Variants in ALG13 observed in about 807,000 individuals in gnomAD.
The protein encoded by ALG13 is UDP-N-acetylglucosamine transferase subunit ALG13.
A neutral mutation model predicts 87.8 loss-of-function variants in ALG13; 11 were observed. That is an observed-to-expected ratio of 0.13 (90% CI 0.08 to 0.21). ALG13 has a LOEUF of 0.21. Among genes scored for constraint, ALG13 ranks in the 10% least tolerant of loss-of-function variants. The pLI is 1.00. For missense variants in ALG13, 756 were observed against 866.1 expected (o/e 0.87, Z 1.60); for synonymous variants, 320 against 306.3 (o/e 1.04, Z -0.47).
chrX:111,733,571 T>TG (rs1942938047), intron 21 of ALG13, among the ~76,000 whole-genome samples: 1 of 111,994 alleles, frequency 8.9e-6, no homozygotes, highest in South Asian at 3.8e-4. Context: ...TCCATATTCT[T>TG]GCGATTGCAA....
chrX:111,730,781 T>C (rs1213205826), intron 21 of ALG13, among the ~76,000 whole-genome samples: 1 of 112,381 alleles, frequency 8.9e-6, no homozygotes, highest in Non-Finnish European at 1.9e-5. Flanking sequence ...TAGGCAGTAA[T>C]GATCTTTTAG....
At chrX:111,748,416 A>G (rs889725123) in intron 24 of ALG13, among the ~76,000 whole-genome samples, 1 of 111,944 alleles carries the variant, frequency 8.9e-6, no homozygotes, top group African/African-American at 3.3e-5. Flanking sequence ...TATGTTTTGC[A>G]TTTTACTTTT....
chrX:111,683,326 A>ATTTTT, intron 2 of ALG13, among the ~76,000 whole-genome samples: 1 of 63,567 alleles, frequency 1.6e-5, no homozygotes, highest in Non-Finnish European at 3.1e-5. Context: ...CTTTCTTTCT[A>ATTTTT]TTTTTTTTTT....
At chrX:111,709,723 C>T (rs940560899) in intron 5 of ALG13, among the ~76,000 whole-genome samples, 3 of 107,932 alleles carry the variant, frequency 2.8e-5, no homozygotes, top group African/African-American at 1.0e-4. Flanking sequence ...CCTTGCAGTG[C>T]TATTTGTTTC....
Position 111,681,209 on chromosome X carries a change from A to C in ALG13, c.-10A>C. On this transcript the variant is annotated 5_prime_UTR_variant, in exon 1 of 27. Transcript: ENST00000394780. The stretch of plus-strand genomic sequence containing the variant: ...CGGCCCTTGCGATCAGGGCTTGAGG[A>C]ACCCGCGCCATGAAGTGCGTGTTTG... 8.3e-7 allele frequency: 1 copy of C among 1,210,132 alleles called. No homozygotes were observed. Among genetic ancestry groups the C allele is most frequent in the Non-Finnish European group, 1.1e-6 (1 of 894,139 alleles).
chrX:111,713,192 G>T (rs1466430411), intron 7 of ALG13, 33 bp from the exon 8 acceptor site: 1 of 1,036,979 alleles, frequency 9.6e-7, no homozygotes, highest in Non-Finnish European at 1.3e-6. Flanking sequence ...GCCAAATTAT[G>T]TCTTCCCACT....
chrX:111,712,525 T>A lies in ALG13; in HGVS notation c.927T>A (p.Ile309=), dbSNP rs1939944337. 3.4e-6 allele frequency: 4 copies of A among 1,162,743 alleles called. No homozygotes were observed. In the Admixed American group the frequency reaches 9.2e-5, roughly 27 times the overall value. Residue 309 remains isoleucine, a synonymous_variant, in exon 7 of 27, where the codon ATT becomes ATA. Transcript: ENST00000394780. ...GQLEIRALSL[I]YNRDFILYRF... is the part of the protein sequence containing the mutation. ...TGGAAATAAGAGCTCTTTCTCTAAT[T>A]TATAAGTAAGTTATATCCTCTTTTC...
chrX:111,740,409 C>T (rs1041728432), intron 23 of ALG13, among the ~76,000 whole-genome samples: 2 of 111,329 alleles, frequency 1.8e-5, no homozygotes, highest in African/African-American at 6.5e-5. Context: ...TTAGAAGTAT[C>T]AGTATGAACT....
intron 3 of ALG13, among the ~76,000 whole-genome samples, chrX:111,685,703 C>T (rs1006533734): frequency 8.9e-6 from 1 of 111,878 alleles, no homozygotes; most frequent in African/African-American, 3.3e-5. Context: ...GAAAGTAAGA[C>T]AGGGTGATGT....
At chrX:111,700,992 C>T (rs938561272) in intron 3 of ALG13, among the ~76,000 whole-genome samples, 1 of 110,668 alleles carries the variant, frequency 9.0e-6, no homozygotes, top group Non-Finnish European at 1.9e-5. Context: ...TTTATTCATT[C>T]TGTTAATGTG....
chrX:111,723,993 G>A, intron 14 of ALG13, 95 bp downstream of exon 14: 1 of 543,878 alleles, frequency 1.8e-6, no homozygotes, highest in Non-Finnish European at 2.9e-6. Context: ...GCTAGTAAGA[G>A]AACCAGAATT....
chrX:111,724,820 T>G (rs768183672), intron 14 of ALG13, 114 bp from the exon 15 acceptor site: 2 of 791,512 alleles, frequency 2.5e-6, no homozygotes, highest in Non-Finnish European at 3.6e-6. Context: ...AGGAAACTGG[T>G]GTCAACCAGG....
At chrX:111,746,270 A>G (rs1253984256) in intron 24 of ALG13, among the ~76,000 whole-genome samples, 2 of 112,035 alleles carry the variant, frequency 1.8e-5, no homozygotes, top group African/African-American at 6.5e-5. Flanking sequence ...CCAAATCCCT[A>G]TCAAAGTATA....
intron 3 of ALG13, among the ~76,000 whole-genome samples, chrX:111,687,121 A>G (rs2147736684): frequency 9.0e-6 from 1 of 111,000 alleles, no homozygotes; most frequent in African/African-American, 3.3e-5. Context: ...AATTTTGTAT[A>G]TTTAGTAGAG....
intron 5 of ALG13, among the ~76,000 whole-genome samples, chrX:111,710,841 T>C (rs888745615): frequency 1.2e-4 from 13 of 111,050 alleles, no homozygotes; most frequent in South Asian, 3.8e-4. Flanking sequence ...GGACTACAGG[T>C]GCCCGCCACC....
At chrX:111,757,375 T>G in intron 25 of ALG13, 1 of 320,243 alleles carries the variant, frequency 3.1e-6, no homozygotes, top group Non-Finnish European at 5.4e-6. Flanking sequence ...ATTCTTAGGT[T>G]TAAATATGAG....
intron 3 of ALG13, among the ~76,000 whole-genome samples, chrX:111,687,694 A>G (rs1484724756): frequency 1.8e-5 from 2 of 112,196 alleles, no homozygotes; most frequent in Non-Finnish European, 3.8e-5. Flanking sequence ...ATTTATATTG[A>G]CATTTTATAG....
In ALG13 at chrX:111,720,141, G is replaced by A. The variant is rs1180599460; in HGVS notation, c.1297G>A (p.Gly433Ser). The A allele has an allele frequency of 8.4e-7, 1 of 1,190,970 alleles. No homozygotes were observed. The highest frequency in any genetic ancestry group is 1.1e-6 in the Non-Finnish European group (1 of 884,278). ...CTACAATGCTGAAAATATACCAGAG[G>A]GCTACAATAAAGGAACAGAAGAAAC... ...ACYNAENIPE[G>S]YNKGTEETKS... The change falls in exon 11 of 27, where the codon GGC becomes AGC. Residue 433 changes from glycine to serine, a missense_variant. By Grantham distance (56) the Gly-to-Ser change is moderately conservative. Transcript: ENST00000394780.
intron 25 of ALG13, among the ~76,000 whole-genome samples, chrX:111,756,288 C>T (rs1945247921): frequency 9.0e-6 from 1 of 111,343 alleles, no homozygotes; most frequent in Admixed American, 9.6e-5. Flanking sequence ...GGAGGGAGAG[C>T]ATTAGGACAA....
Sources: gnomAD v4.1 joint callset for allele counts (sites outside exome capture counted in the v4.1 genomes callset) on GRCh38, gnomAD v4.1.1 for gene constraint, MANE v1.5 for transcripts, NCBI Gene and HGNC (gene_info 2026-07-23, HGNC 2026-07-21) for gene names.